Variants in MAGI1 observed in about 807,000 individuals in gnomAD.
MAGI1 encodes membrane associated guanylate kinase, WW and PDZ domain containing 1, also known as membrane-associated guanylate kinase, WW and PDZ domain-containing protein 1.
Under a neutral mutation model 139.9 loss-of-function variants are expected in MAGI1, and 58 were observed. The observed-to-expected ratio is 0.41, with a 90% CI of 0.34 to 0.52. MAGI1 has a LOEUF of 0.52. Ranked by LOEUF, MAGI1 falls within the 20% of genes least tolerant of loss-of-function variation. The pLI is 0.12. For synonymous variants in MAGI1, 812 were observed against 737.9 expected (o/e 1.10, Z -1.63); for missense variants, 1,874 against 1,901.6 (o/e 0.99, Z 0.27).
Position 65,526,223 on chromosome 3 carries a change from T to C in MAGI1, c.431-32592A>G, listed in dbSNP as rs143144438. Among the ~76,000 whole-genome samples the C allele has an allele frequency of 2.9e-3, 441 of 152,342 alleles. 4 individuals are homozygous for C. Among genetic ancestry groups the C allele is most frequent in the African/African-American group, 0.01 (433 of 41,574 alleles). ...CTGCCCTCCTTGATGTTCAGTTCACTGTGAAGGTGTTGTTGACATCTTTGC... is the reference window on the plus strand; with the variant it reads ...CTGCCCTCCTTGATGTTCAGTTCACCGTGAAGGTGTTGTTGACATCTTTGC... On this transcript the variant is annotated intron_variant, in intron 2 of 22. Coordinates refer to ENST00000402939, the MANE Select transcript of MAGI1 (RefSeq NM_001033057.2).
At chr3:66,004,888 A>G (rs2066932023) in intron 1 of MAGI1, among the ~76,000 whole-genome samples, 1 of 152,174 alleles carries the variant, frequency 6.6e-6, no homozygotes, top group Non-Finnish European at 1.5e-5. Flanking sequence ...GTGCCTTTGA[A>G]GCCATGATTA....
At chr3:65,620,818 CCT>C (rs1200546857) in intron 2 of MAGI1, among the ~76,000 whole-genome samples, 1 of 152,146 alleles carries the variant, frequency 6.6e-6, no homozygotes, top group African/African-American at 2.4e-5. Flanking sequence ...CCTCTCATAG[CCT>C]CTGTTTTATT....
At chr3:65,625,136 G>T (rs989729236) in intron 1 of MAGI1, among the ~76,000 whole-genome samples, 6 of 152,138 alleles carry the variant, frequency 3.9e-5, no homozygotes, top group African/African-American at 1.4e-4. Context: ...GCGTCCCAAA[G>T]TGCTGGGATT....
chr3:65,687,514 G>A (rs1286952827), intron 1 of MAGI1: 2 of 382,714 alleles, frequency 5.2e-6, no homozygotes, highest in Admixed American at 3.6e-5. Flanking sequence ...CTGCTGAGCA[G>A]GCCTCTTACT....
chr3:65,661,015 A>G (rs2086161305), intron 1 of MAGI1, among the ~76,000 whole-genome samples: 1 of 152,204 alleles, frequency 6.6e-6, no homozygotes, highest in African/African-American at 2.4e-5. Flanking sequence ...ATGAATACTA[A>G]TTTTCTAAAG....
At chr3:65,721,840 T>G (rs1336701824) in intron 1 of MAGI1, among the ~76,000 whole-genome samples, 3 of 73,348 alleles carry the variant, frequency 4.1e-5, no homozygotes, top group African/African-American at 1.3e-4. Flanking sequence ...TTGTTTTTTG[T>G]TTTTTTTTTC....
At chr3:65,900,552 T>C (rs2061182271) in intron 1 of MAGI1, among the ~76,000 whole-genome samples, 1 of 151,786 alleles carries the variant, frequency 6.6e-6, no homozygotes, top group African/African-American at 2.4e-5. Context: ...ACCACACATA[T>C]AAATACTCAC....
intron 1 of MAGI1, among the ~76,000 whole-genome samples, chr3:65,883,722 C>A (rs986271083): frequency 2.0e-5 from 3 of 152,228 alleles, no homozygotes; most frequent in African/African-American, 7.2e-5. Flanking sequence ...ACTGTTCTAA[C>A]CCTCTCCTCA....
intron 1 of MAGI1, among the ~76,000 whole-genome samples, chr3:65,912,438 AGGGAT>A (rs1232665233): frequency 6.6e-6 from 1 of 152,200 alleles, no homozygotes; most frequent in Non-Finnish European, 1.5e-5. Flanking sequence ...ATTACGATTC[AGGGAT>A]GGTTAAAAGC....
intron 1 of MAGI1, among the ~76,000 whole-genome samples, chr3:65,804,814 C>T (rs1057179115): frequency 2.6e-5 from 4 of 152,008 alleles, no homozygotes; most frequent in Admixed American, 2.0e-4. Context: ...TTTGACAAAC[C>T]GGACAAAAAC....
intron 1 of MAGI1, among the ~76,000 whole-genome samples, chr3:65,804,826 A>G (rs2040745952): frequency 6.6e-6 from 1 of 152,208 alleles, no homozygotes; most frequent in Non-Finnish European, 1.5e-5. Context: ...GACAAAAACA[A>G]TCAATGGAGA....
chr3:65,995,969 G>A (rs1471564302), intron 1 of MAGI1, among the ~76,000 whole-genome samples: 6 of 152,100 alleles, frequency 3.9e-5, no homozygotes, highest in African/African-American at 1.4e-4. Flanking sequence ...CTGTACTCTA[G>A]GCTGGGTGAC....
At chr3:65,746,884 G>A (rs778062844) in intron 1 of MAGI1, among the ~76,000 whole-genome samples, 6 of 152,164 alleles carry the variant, frequency 3.9e-5, no homozygotes, top group Non-Finnish European at 5.9e-5. Flanking sequence ...CCCATCTCTG[G>A]CCTTGGGGAA....
chr3:65,993,899 A>G (rs2066303435), intron 1 of MAGI1, among the ~76,000 whole-genome samples: 1 of 152,160 alleles, frequency 6.6e-6, no homozygotes, highest in Admixed American at 6.5e-5. Flanking sequence ...CCCAGAGAAG[A>G]AAGGTAATTC....
intron 10 of MAGI1, 45 bp from the exon 11 acceptor site, chr3:65,430,926 A>C (rs1947405338): frequency 1.3e-6 from 2 of 1,560,808 alleles, no homozygotes; most frequent in Non-Finnish European, 1.8e-6. Context: ...CCACTGGTGA[A>C]AAGGAGAATT....
intron 5 of MAGI1, among the ~76,000 whole-genome samples, chr3:65,464,813 T>C (rs552285700): frequency 6.8e-6 from 1 of 147,092 alleles, no homozygotes; most frequent in African/African-American, 2.4e-5. Flanking sequence ...TTTGTAATTT[T>C]CTTTTTGTTC....
In MAGI1 at chr3:66,027,832, G is replaced by A. The variant is rs556555270; in HGVS notation, c.313+10164C>T. On this transcript the variant is annotated intron_variant, in intron 1 of 22. Transcript: ENST00000402939. ...GAGGGGCTGTTGTGTACATTGTGGG[G>A]TGTTCAGCAGGGTCCCGGGCCTCTA... 3.3e-5 allele frequency among the ~76,000 whole-genome samples: 5 copies of A among 152,244 alleles called. No homozygotes were observed. The South Asian group carries it at 8.3e-4, about 25-fold the overall frequency.
At chr3:65,576,872 T>C (rs1370718182) in intron 2 of MAGI1, among the ~76,000 whole-genome samples, 1 of 152,206 alleles carries the variant, frequency 6.6e-6, no homozygotes, top group Non-Finnish European at 1.5e-5. Flanking sequence ...AGAGTTGTCT[T>C]CAGGACTAGA....
chr3:65,491,796 A>G (rs1486841749), intron 3 of MAGI1, among the ~76,000 whole-genome samples: 1 of 151,988 alleles, frequency 6.6e-6, no homozygotes, highest in Non-Finnish European at 1.5e-5. Context: ...GTTTCAGGAA[A>G]CTAAGCCAAC....
Sources: allele counts gnomAD v4.1 joint callset (sites outside exome capture counted in the v4.1 genomes callset), GRCh38; gene constraint gnomAD v4.1.1; transcripts MANE v1.5; gene names NCBI Gene and HGNC (gene_info 2026-07-23, HGNC 2026-07-21).